C1orf21: variants seen among roughly 807,000 people sequenced by gnomAD.
C1orf21 encodes the protein chromosome 1 open reading frame 21.
A neutral mutation model predicts 18.7 loss-of-function variants in C1orf21; 3 were observed. The observed-to-expected ratio is 0.16, with a 90% CI of 0.07 to 0.42. C1orf21 has a LOEUF of 0.42. Ranked by LOEUF, C1orf21 falls within the 10% of genes least tolerant of loss-of-function variation. The pLI is 0.99. For synonymous variants in C1orf21, 41 were observed against 46.4 expected, an observed-to-expected ratio of 0.88 and a Z score of 0.47; for missense variants, 104 against 143.6, an observed-to-expected ratio of 0.72 and a Z score of 1.41.
intron 2 of C1orf21, among the ~76,000 whole-genome samples, chr1:184,480,253 A>G (rs1657634151): frequency 6.6e-6 from 1 of 152,248 alleles, no homozygotes; most frequent in Non-Finnish European, 1.5e-5. Context: ...CAGCTAGGTA[A>G]TGTAAGACTT....
chr1:184,463,413 T>G (rs948115086), intron 1 of C1orf21, among the ~76,000 whole-genome samples: 11 of 152,232 alleles, frequency 7.2e-5, no homozygotes, highest in African/African-American at 2.7e-4. Flanking sequence ...CTTTGTGTAA[T>G]TATACTCTCA....
At chr1:184,407,353 A>T (rs1247584419) in intron 1 of C1orf21, among the ~76,000 whole-genome samples, 1 of 152,230 alleles carries the variant, frequency 6.6e-6, no homozygotes, top group Non-Finnish European at 1.5e-5. Context: ...TTACATGTCT[A>T]AAATGGGAAA....
intron 2 of C1orf21, among the ~76,000 whole-genome samples, chr1:184,483,372 G>A (rs1198558647): frequency 2.0e-5 from 3 of 152,192 alleles, no homozygotes. Flanking sequence ...ACTAAAGTGG[G>A]TGCATAGAAC....
intron 1 of C1orf21, among the ~76,000 whole-genome samples, chr1:184,390,644 A>G (rs1026003002): frequency 1.3e-5 from 2 of 152,194 alleles, no homozygotes; most frequent in Non-Finnish European, 2.9e-5. Flanking sequence ...GAAGGGTTAC[A>G]TGATATATAA....
intron 1 of C1orf21, among the ~76,000 whole-genome samples, chr1:184,429,904 C>T (rs1656707014): frequency 6.6e-6 from 1 of 151,824 alleles, no homozygotes; most frequent in African/African-American, 2.4e-5. Context: ...GTCAGAAGAT[C>T]GAGACCATCC....
intron 1 of C1orf21, among the ~76,000 whole-genome samples, chr1:184,442,423 A>C (rs1656962601): frequency 6.6e-6 from 1 of 152,208 alleles, no homozygotes; most frequent in Non-Finnish European, 1.5e-5. Context: ...ATTATGATAA[A>C]GATTACGTGA....
chr1:184,479,402 G>C (rs1238397392), intron 2 of C1orf21, among the ~76,000 whole-genome samples: 1 of 152,140 alleles, frequency 6.6e-6, no homozygotes, highest in African/African-American at 2.4e-5. Flanking sequence ...AACATCGCAA[G>C]GCATTTACAT....
chr1:184,493,162 G>A (rs1219821979), intron 2 of C1orf21, among the ~76,000 whole-genome samples: 1 of 152,212 alleles, frequency 6.6e-6, no homozygotes, highest in Non-Finnish European at 1.5e-5. Flanking sequence ...GTCTTTGACA[G>A]TTTTTTAAAG....
chr1:184,437,205 A>T (rs1384262748), intron 1 of C1orf21, among the ~76,000 whole-genome samples: 2 of 152,206 alleles, frequency 1.3e-5, no homozygotes, highest in African/African-American at 4.8e-5. Flanking sequence ...GTACCCCCCT[A>T]CATTTCAACA....
rs867519745 is a variant in C1orf21 at position 184,469,738 on chromosome 1, T to C, written c.-124-7648T>C. On this transcript the variant is annotated intron_variant, in intron 1 of 5. Transcript: ENST00000235307. ...GCACATTTTGCTGTATGATCCTGCA[T>C]CCCTTGGTGCATAAAATAAAGCTAG... is the stretch of plus-strand genomic sequence containing the variant. Among the ~76,000 whole-genome samples, 14 of 151,718 alleles carry C rather than the reference T, an allele frequency of 9.2e-5. No homozygotes were observed. The South Asian group carries it at 1.7e-3, about 18-fold the overall frequency.
At chr1:184,443,551 A>T (rs1656982231) in intron 1 of C1orf21, among the ~76,000 whole-genome samples, 1 of 152,192 alleles carries the variant, frequency 6.6e-6, no homozygotes, top group South Asian at 2.1e-4. Flanking sequence ...TTTTAAACAT[A>T]GTACCTGTAA....
At chr1:184,569,285 C>T (rs959917446) in intron 3 of C1orf21, among the ~76,000 whole-genome samples, 17 of 152,252 alleles carry the variant, frequency 1.1e-4, no homozygotes, top group Non-Finnish European at 1.9e-4. Flanking sequence ...GGTGGTGGTT[C>T]GCTAATTTGG....
Position 184,447,628 on chromosome 1 carries a change from T to C in C1orf21, c.-124-29758T>C, listed in dbSNP as rs905532694. Among the ~76,000 whole-genome samples the C allele has an allele frequency of 2.6e-5, 4 of 152,324 alleles. No homozygotes were observed. In the East Asian group the frequency reaches 7.7e-4, roughly 29 times the overall value. The stretch of plus-strand genomic sequence containing the variant: ...TTTCTTCCTTACCTAAACATCTACA[T>C]CTAAATATTCATCAAACTCTTGGAA... On this transcript the variant is annotated intron_variant, in intron 1 of 5. Coordinates refer to ENST00000235307, the MANE Select transcript of C1orf21 (RefSeq NM_030806.4).
chr1:184,553,833 G>C (rs752333187), intron 3 of C1orf21, among the ~76,000 whole-genome samples: 20 of 152,212 alleles, frequency 1.3e-4, no homozygotes, highest in Non-Finnish European at 2.2e-4. Flanking sequence ...ATGCCACACA[G>C]GAGGAGAGGA....
intron 3 of C1orf21, among the ~76,000 whole-genome samples, chr1:184,528,367 C>T (rs907572095): frequency 2.0e-5 from 3 of 152,152 alleles, no homozygotes; most frequent in Non-Finnish European, 4.4e-5. Context: ...AATAGTTTTT[C>T]CAGAATTGTA....
At chr1:184,591,523 T>C (rs1236010365) in intron 4 of C1orf21, among the ~76,000 whole-genome samples, 1 of 152,170 alleles carries the variant, frequency 6.6e-6, no homozygotes, top group African/African-American at 2.4e-5. Context: ...ATTGAAAATA[T>C]AGGTCGGGCA....
intron 3 of C1orf21, among the ~76,000 whole-genome samples, chr1:184,547,330 T>G (rs955609441): frequency 6.6e-6 from 1 of 152,192 alleles, no homozygotes; most frequent in Non-Finnish European, 1.5e-5. Flanking sequence ...TTATTCTGTT[T>G]CCTTTTTTGC....
At chr1:184,552,733 A>G (rs753628334) in intron 3 of C1orf21, among the ~76,000 whole-genome samples, 20 of 152,186 alleles carry the variant, frequency 1.3e-4, no homozygotes, top group Non-Finnish European at 2.9e-5. Context: ...ATGATTACAT[A>G]ATTCCAATTT....
intron 1 of C1orf21, among the ~76,000 whole-genome samples, chr1:184,439,670 G>A (rs1369386074): frequency 1.3e-5 from 2 of 152,048 alleles, no homozygotes; most frequent in East Asian, 1.9e-4. Flanking sequence ...CTACATTATG[G>A]CTGGGCACAG....
Sources: gnomAD v4.1 joint callset for allele counts (sites outside exome capture counted in the v4.1 genomes callset) on GRCh38, gnomAD v4.1.1 for gene constraint, MANE v1.5 for transcripts, NCBI Gene and HGNC (gene_info 2026-07-23, HGNC 2026-07-21) for gene names.